THEMIS: variants seen among roughly 807,000 people sequenced by gnomAD.
THEMIS encodes protein THEMIS.
In THEMIS, 37 loss-of-function variants were observed where a neutral mutation model predicts 52.6. That is an observed-to-expected ratio of 0.70 (90% CI 0.54 to 0.93). The LOEUF (loss-of-function observed/expected upper bound fraction) is 0.93. Among genes scored for constraint, THEMIS ranks in the 40% least tolerant of loss-of-function variants. THEMIS has a pLI of 0.00. For synonymous variants in THEMIS, 292 were observed against 272.7 expected (o/e 1.07, Z -0.70); for missense variants, 808 against 763.1 (o/e 1.06, Z -0.69).
chr6:127,723,848 AT>A (rs1185995090), intron 4 of THEMIS, among the ~76,000 whole-genome samples: 42 of 152,176 alleles, frequency 2.8e-4, no homozygotes, highest in Non-Finnish European at 8.8e-5. Context: ...TTACAATCAA[AT>A]AATAGCTGTT....
chr6:127,740,235 T>TA (rs1450575286), intron 4 of THEMIS, among the ~76,000 whole-genome samples: 1 of 152,080 alleles, frequency 6.6e-6, no homozygotes, highest in African/African-American at 2.4e-5. Context: ...TAAAATCATT[T>TA]AAAATCCCCG....
At chr6:127,761,364 C>A (rs1776015383) in intron 4 of THEMIS, among the ~76,000 whole-genome samples, 1 of 152,116 alleles carries the variant, frequency 6.6e-6, no homozygotes. Flanking sequence ...GACCTAACTT[C>A]TAGCTAATCA....
At chr6:127,891,606 C>G (rs1353646833) in intron 1 of THEMIS, among the ~76,000 whole-genome samples, 1 of 151,732 alleles carries the variant, frequency 6.6e-6, no homozygotes, top group Non-Finnish European at 1.5e-5. Context: ...TCCAAAGCAT[C>G]TCTTGAACTG....
In THEMIS at chr6:127,719,350, C is replaced by T. The variant is rs368413622; in HGVS notation, c.1894+338G>A. Among the ~76,000 whole-genome samples the T allele has an allele frequency of 5.3e-5, 8 of 152,032 alleles. 1 individual carries two copies. Among genetic ancestry groups the T allele is most frequent in the Admixed American group, 2.0e-4 (3 of 15,244 alleles). ...TTTAAAACATCTCAATTATTTTAAC[C>T]TCTTTTCAAGACAGTAATTCTTCTT... On this transcript the variant is annotated intron_variant, in intron 5 of 5. Transcript: ENST00000368248.
chr6:127,793,768 T>C (rs1461495919), intron 4 of THEMIS, among the ~76,000 whole-genome samples: 1 of 152,218 alleles, frequency 6.6e-6, no homozygotes, highest in Non-Finnish European at 1.5e-5. Flanking sequence ...GAATCACAGA[T>C]TGATAGAATA....
At chr6:127,833,539 C>T (rs952712982) in intron 2 of THEMIS, among the ~76,000 whole-genome samples, 4 of 152,170 alleles carry the variant, frequency 2.6e-5, no homozygotes, top group African/African-American at 9.7e-5. Flanking sequence ...AGTCTTGCCT[C>T]CCTGTTGCAT....
At chr6:127,717,537 T>C (rs79011196) in intron 5 of THEMIS, among the ~76,000 whole-genome samples, 3,253 of 151,998 alleles carry the variant, frequency 0.021, 113 homozygotes, top group African/African-American at 0.074. Flanking sequence ...GTGAAATGTT[T>C]TCATCAGTTT....
chr6:127,774,103 C>T (rs558895561), intron 4 of THEMIS, among the ~76,000 whole-genome samples: 6 of 152,254 alleles, frequency 3.9e-5, no homozygotes, highest in Admixed American at 1.3e-4. Flanking sequence ...ACTGCATCTC[C>T]AAATCGACTC....
At position 127,813,210 on chromosome 6, in the gene THEMIS, T is replaced by C; in HGVS notation, c.1431A>G (p.Pro477=). 1 of 1,614,130 alleles carries C rather than the reference T, an allele frequency of 6.2e-7. No individual in the cohort carries two copies. Among genetic ancestry groups the C allele is most frequent in the Non-Finnish European group, 8.5e-7 (1 of 1,180,020 alleles). ...TAATGTCCTCCTCCAACTGCAGTCC[T>C]GGTGTGGCAGCCAACACGTCCTCTT... ...SIEEDVLAAT[P]GLQLEEDITD... is the part of the protein sequence containing the mutation. Residue 477 remains proline, a synonymous_variant, in exon 4 of 6, where the codon CCA becomes CCG. Transcript: ENST00000368248.
chr6:127,824,344 G>A (rs1778434182), intron 3 of THEMIS, among the ~76,000 whole-genome samples: 3 of 152,036 alleles, frequency 2.0e-5, no homozygotes, highest in Admixed American at 2.0e-4. Flanking sequence ...ATAATCCCCA[G>A]AAGATACCAC....
At chr6:127,725,430 C>CTG (rs143520649) in intron 4 of THEMIS, among the ~76,000 whole-genome samples, 3,569 of 149,420 alleles carry the variant, frequency 0.024, 135 homozygotes, top group African/African-American at 0.082. Flanking sequence ...CTGTCTCCTA[C>CTG]TGTGTGTGTG....
chr6:127,716,224 C>T (rs1269605773), intron 5 of THEMIS, among the ~76,000 whole-genome samples: 1 of 151,694 alleles, frequency 6.6e-6, no homozygotes, highest in African/African-American at 2.4e-5. Context: ...AAAGGTCATC[C>T]TTCCTGGCAG....
intron 4 of THEMIS, among the ~76,000 whole-genome samples, chr6:127,748,740 G>A (rs1310170608): frequency 6.6e-6 from 1 of 151,998 alleles, no homozygotes; most frequent in African/African-American, 2.4e-5. Context: ...TCTCAGTTCT[G>A]TTACCACTAC....
intron 5 of THEMIS, among the ~76,000 whole-genome samples, chr6:127,716,186 G>A (rs1192368781): frequency 1.3e-5 from 2 of 151,996 alleles, no homozygotes; most frequent in Middle Eastern, 3.4e-3. Flanking sequence ...TTATGTTTAT[G>A]TAGGACAAAA....
intron 4 of THEMIS, among the ~76,000 whole-genome samples, chr6:127,773,361 A>G (rs1393898561): frequency 6.6e-6 from 1 of 152,210 alleles, no homozygotes; most frequent in African/African-American, 2.4e-5. Flanking sequence ...AAACTTCTAA[A>G]AGAAGAATTT....
At chr6:127,818,536 A>G (rs538927484) in intron 3 of THEMIS, among the ~76,000 whole-genome samples, 6 of 152,030 alleles carry the variant, frequency 3.9e-5, no homozygotes, top group Admixed American at 6.6e-5. Context: ...TCAAGTTAAG[A>G]CAATTTATCA....
rs151338341 is a variant in THEMIS, at chr6:127,908,390, T to A, written c.-149-7309A>T. On this transcript the variant is annotated intron_variant, in intron 1 of 6. Transcript: ENST00000368250. ...CCAGGAAGAGTGTTCCTCAGATTAA[T>A]CTTAAAGGGTAAAAAGCAGTCAAGT... Among the ~76,000 whole-genome samples the A allele has an allele frequency of 2.6e-3, 389 of 152,146 alleles. 2 individuals are homozygous for A. The highest frequency in any genetic ancestry group is 8.9e-3 in the African/African-American group (370 of 41,536).
intron 1 of THEMIS, among the ~76,000 whole-genome samples, chr6:127,862,940 C>T (rs1379642430): frequency 6.6e-6 from 1 of 152,038 alleles, no homozygotes; most frequent in African/African-American, 2.4e-5. Flanking sequence ...ATTAATTATG[C>T]CCAGCCCAGT....
intron 2 of THEMIS, 140 bp from the exon 3 acceptor site, chr6:127,830,074 T>C: frequency 1.5e-6 from 1 of 656,388 alleles, no homozygotes; most frequent in Non-Finnish European, 2.6e-6. Flanking sequence ...AGATGCTTAT[T>C]TTAATCCAGA....
Sources: allele counts gnomAD v4.1 joint callset (sites outside exome capture counted in the v4.1 genomes callset), GRCh38; gene constraint gnomAD v4.1.1; transcripts MANE v1.5; gene names NCBI Gene and HGNC (gene_info 2026-07-23, HGNC 2026-07-21).